Variants in DCLK1 observed in about 807,000 individuals in gnomAD.
DCLK1 encodes the protein doublecortin like kinase 1, also known as serine/threonine-protein kinase DCLK1.
Under a neutral mutation model 86.2 loss-of-function variants are expected in DCLK1, and 16 were observed. The ratio of observed to expected loss-of-function variants is 0.19; its 90% confidence interval spans 0.13 to 0.28. The LOEUF is 0.28. Among genes scored for constraint, DCLK1 ranks in the 10% least tolerant of loss-of-function variants. DCLK1 has a pLI of 1.00. For missense variants in DCLK1, 590 were observed against 940.2 expected, an observed-to-expected ratio of 0.63 and a Z score of 4.87; for synonymous variants, 369 against 370.5, an observed-to-expected ratio of 1.00 and a Z score of 0.05.
At chr13:35,837,094 G>A (rs1869439237) in intron 7 of DCLK1, among the ~76,000 whole-genome samples, 1 of 152,204 alleles carries the variant, frequency 6.6e-6, no homozygotes, top group Non-Finnish European at 1.5e-5. Context: ...GTCATAAACT[G>A]AGACTAAACA....
At chr13:36,104,789 T>A (rs778369363) in intron 3 of DCLK1, among the ~76,000 whole-genome samples, 1 of 152,146 alleles carries the variant, frequency 6.6e-6, no homozygotes, top group South Asian at 2.1e-4. Flanking sequence ...CATTCACAAC[T>A]GACTGACAAT....
chr13:36,126,231 G>GTT, intron 1 of DCLK1, 75 bp from the exon 2 acceptor site: 1 of 1,233,418 alleles, frequency 8.1e-7, no homozygotes, highest in Non-Finnish European at 1.0e-6. Flanking sequence ...TTTTGTTTTT[G>GTT]TTTTTTTTAT....
In DCLK1 at chr13:36,080,051, A is replaced by G. The variant is rs78463878; in HGVS notation, c.723+31818T>C. On this transcript the variant is annotated intron_variant, in intron 3 of 16. Transcript: ENST00000360631. ...CACATGTTCACATTAGGTGGGATCA[A>G]TGATGACTATAAAAGCTTCATATTA... is the stretch of plus-strand genomic sequence containing the variant. 9.2e-3 allele frequency among the ~76,000 whole-genome samples: 1,407 copies of G among 152,340 alleles called. 16 individuals carry two copies. The highest frequency in any genetic ancestry group is 0.032 in the African/African-American group (1,335 of 41,570).
chr13:35,912,064 C>CA (rs11403022), intron 4 of DCLK1, among the ~76,000 whole-genome samples: 3,128 of 152,250 alleles, frequency 0.021, 107 homozygotes, highest in African/African-American at 0.066. Flanking sequence ...ATGTTTCATA[C>CA]AGCGCCTGCC....
chr13:35,875,953 C>T (rs1005315965), intron 4 of DCLK1, among the ~76,000 whole-genome samples: 2 of 152,108 alleles, frequency 1.3e-5, no homozygotes, highest in African/African-American at 2.4e-5. Context: ...TTCCTCACTA[C>T]CCCCAGTATC....
At chr13:35,870,214 G>C (rs1872167381) in intron 5 of DCLK1, among the ~76,000 whole-genome samples, 1 of 152,176 alleles carries the variant, frequency 6.6e-6, no homozygotes, top group South Asian at 2.1e-4. Context: ...ACCCTAGGTT[G>C]AGAGTCAGAG....
At chr13:35,793,323 G>T in intron 16 of DCLK1, 43 bp downstream of exon 16, 1 of 1,510,182 alleles carries the variant, frequency 6.6e-7, no homozygotes, top group Non-Finnish European at 9.1e-7. Flanking sequence ...TCTTAGGTGG[G>T]TTGCTTTAAA....
At chr13:36,051,904 A>C (rs1883136705) in intron 3 of DCLK1, among the ~76,000 whole-genome samples, 1 of 152,146 alleles carries the variant, frequency 6.6e-6, no homozygotes, top group Non-Finnish European at 1.5e-5. Context: ...AGAACCTTAG[A>C]AGGGAATGAA....
intron 4 of DCLK1, among the ~76,000 whole-genome samples, chr13:35,911,844 C>A (rs1361968127): frequency 6.6e-6 from 1 of 152,046 alleles, no homozygotes; most frequent in Admixed American, 6.6e-5. Flanking sequence ...AGCATCTGGC[C>A]CCAGCAGTGG....
chr13:35,806,657 TC>T (rs1448875546), intron 14 of DCLK1, among the ~76,000 whole-genome samples: 2 of 152,194 alleles, frequency 1.3e-5, no homozygotes, highest in East Asian at 3.8e-4. Context: ...TCATTCAGTT[TC>T]TAACTTGGAT....
intron 3 of DCLK1, among the ~76,000 whole-genome samples, chr13:36,043,325 TA>T (rs57162714): frequency 2.6e-4 from 39 of 150,080 alleles, no homozygotes; most frequent in East Asian, 7.8e-4. Flanking sequence ...CCTAGAAATT[TA>T]AAAAAAAAAC....
intron 4 of DCLK1, among the ~76,000 whole-genome samples, chr13:35,887,153 A>G (rs1392175606): frequency 6.6e-6 from 1 of 152,264 alleles, no homozygotes; most frequent in Non-Finnish European, 1.5e-5. Flanking sequence ...CGTAAGTGAT[A>G]TACTTGCTAA....
At chr13:36,001,885 G>A (rs536508446) in intron 3 of DCLK1, among the ~76,000 whole-genome samples, 2 of 152,152 alleles carry the variant, frequency 1.3e-5, no homozygotes, top group South Asian at 4.1e-4. Flanking sequence ...CAAGCTAATT[G>A]GAAGCTTTGC....
chr13:35,833,879 T>C (rs1019887893), intron 8 of DCLK1, among the ~76,000 whole-genome samples: 5 of 152,198 alleles, frequency 3.3e-5, no homozygotes, highest in African/African-American at 1.2e-4. Context: ...CATGGAGCAA[T>C]CTGGTGTTTA....
chr13:36,124,448 T>C (rs1474669016), intron 2 of DCLK1, among the ~76,000 whole-genome samples: 1 of 152,160 alleles, frequency 6.6e-6, no homozygotes, highest in Non-Finnish European at 1.5e-5. Context: ...CTCTGCACGC[T>C]CTCAAGGCCA....
At chr13:35,845,824 C>T (rs9601455) in intron 6 of DCLK1, 152,536 of 713,718 alleles carry the variant, frequency 0.21, 16,338 homozygotes, top group Admixed American at 0.29. Flanking sequence ...GAAGGTCACC[C>T]TTATCCCACA....
chr13:36,094,394 A>G (rs1346183255), intron 3 of DCLK1, among the ~76,000 whole-genome samples: 1 of 152,212 alleles, frequency 6.6e-6, no homozygotes, highest in Admixed American at 6.5e-5. Flanking sequence ...AAAATTAACA[A>G]CAGATAGTTA....
intron 1 of DCLK1, among the ~76,000 whole-genome samples, chr13:36,130,767 A>G (rs1477483603): frequency 6.6e-6 from 1 of 152,110 alleles, no homozygotes; most frequent in Non-Finnish European, 1.5e-5. Flanking sequence ...TCTGACAATG[A>G]CAAGCACCTC....
chr13:36,118,800 C>T (rs1885880903), intron 2 of DCLK1, among the ~76,000 whole-genome samples: 1 of 152,132 alleles, frequency 6.6e-6, no homozygotes, highest in South Asian at 2.1e-4. Context: ...TTATTTCTCA[C>T]TGTTCTGGAG....
Sources: allele counts gnomAD v4.1 joint callset (sites outside exome capture counted in the v4.1 genomes callset), GRCh38; gene constraint gnomAD v4.1.1; transcripts MANE v1.5; gene names NCBI Gene and HGNC (gene_info 2026-07-23, HGNC 2026-07-21).